ROBO1: variants seen among roughly 807,000 people sequenced by gnomAD.
The protein encoded by ROBO1 is roundabout guidance receptor 1, also known as roundabout homolog 1.
A neutral mutation model predicts 195.9 loss-of-function variants in ROBO1; 149 were observed. That is an observed-to-expected ratio of 0.76 (90% CI 0.67 to 0.87). ROBO1 has a LOEUF of 0.87. ROBO1 is among the 40% of genes least tolerant of loss of function. ROBO1 has a pLI of 0.00. For missense variants in ROBO1, 1,933 were observed against 2,068.3 expected (o/e 0.93, Z 1.27); for synonymous variants, 816 against 733.2 (o/e 1.11, Z -1.82).
At chr3:79,166,707 A>T (rs1268218436) in intron 2 of ROBO1, among the ~76,000 whole-genome samples, 1 of 151,800 alleles carries the variant, frequency 6.6e-6, no homozygotes, top group East Asian at 1.9e-4. Context: ...CTGGGTCTAT[A>T]GGCGCCCGCC....
intron 3 of ROBO1, among the ~76,000 whole-genome samples, chr3:79,004,432 T>C (rs932329482): frequency 1.3e-5 from 2 of 152,298 alleles, no homozygotes; most frequent in Non-Finnish European, 1.5e-5. Context: ...TGTAAGTATT[T>C]AACTAGACAC....
chr3:79,090,902 T>G (rs1382467321), intron 3 of ROBO1, among the ~76,000 whole-genome samples: 1 of 152,232 alleles, frequency 6.6e-6, no homozygotes, highest in East Asian at 1.9e-4. Flanking sequence ...TTTCTTTTTA[T>G]TTCTAGATTA....
intron 2 of ROBO1, among the ~76,000 whole-genome samples, chr3:79,544,034 G>A (rs970076926): frequency 2.6e-5 from 4 of 151,996 alleles, no homozygotes; most frequent in Admixed American, 6.6e-5. Flanking sequence ...TGGGGTACAG[G>A]CTGCATTGAA....
At chr3:79,075,462 A>G (rs1398337612) in intron 3 of ROBO1, among the ~76,000 whole-genome samples, 1 of 151,998 alleles carries the variant, frequency 6.6e-6, no homozygotes, top group Non-Finnish European at 1.5e-5. Flanking sequence ...TTTTCTATCT[A>G]TGTTAGGGTA....
intron 2 of ROBO1, among the ~76,000 whole-genome samples, chr3:79,479,252 T>A (rs13320767): frequency 6.6e-6 from 1 of 151,934 alleles, no homozygotes; most frequent in Non-Finnish European, 1.5e-5. Flanking sequence ...ACGGATGGGG[T>A]GATGGGGGAA....
chr3:79,461,419 T>C (rs1937631073), intron 2 of ROBO1, among the ~76,000 whole-genome samples: 2 of 152,062 alleles, frequency 1.3e-5, no homozygotes, highest in Admixed American at 6.6e-5. Context: ...TTACAAGAAG[T>C]GGCCCTGAAA....
At chr3:78,828,579 G>T (rs1032756093) in intron 4 of ROBO1, among the ~76,000 whole-genome samples, 1 of 152,124 alleles carries the variant, frequency 6.6e-6, no homozygotes, top group Non-Finnish European at 1.5e-5. Context: ...TAATTACAAA[G>T]AAATGAAAAT....
At chr3:79,260,105 C>A (rs546111775) in intron 2 of ROBO1, among the ~76,000 whole-genome samples, 2,606 of 144,992 alleles carry the variant, frequency 0.018, 58 homozygotes, top group African/African-American at 0.06. Flanking sequence ...CACACACACA[C>A]AAATATATAT....
intron 4 of ROBO1, among the ~76,000 whole-genome samples, chr3:78,937,093 T>A (rs2039854393): frequency 6.6e-6 from 1 of 152,132 alleles, no homozygotes; most frequent in Non-Finnish European, 1.5e-5. Flanking sequence ...TTTTATTGTA[T>A]CTAATTATAT....
chr3:79,516,399 A>G (rs1306324634), intron 2 of ROBO1, among the ~76,000 whole-genome samples: 1 of 152,100 alleles, frequency 6.6e-6, no homozygotes, highest in African/African-American at 2.4e-5. Flanking sequence ...AAGGAAGCAT[A>G]TATAATTTCA....
chr3:78,697,924 C>T (rs964731038), intron 8 of ROBO1, among the ~76,000 whole-genome samples: 12 of 151,964 alleles, frequency 7.9e-5, no homozygotes, highest in African/African-American at 1.9e-4. Context: ...AGAACAGCTG[C>T]TTTTTTTAAT....
chr3:79,192,645 ATCT>A (rs901917748), intron 2 of ROBO1, among the ~76,000 whole-genome samples: 1 of 151,592 alleles, frequency 6.6e-6, no homozygotes, highest in Admixed American at 6.6e-5. Flanking sequence ...GATAAGACAA[ATCT>A]TCTCATGTTG....
At chr3:79,767,111 A>C (rs1559568142) in intron 1 of ROBO1, among the ~76,000 whole-genome samples, 1 of 152,116 alleles carries the variant, frequency 6.6e-6, no homozygotes, top group Non-Finnish European at 1.5e-5. Context: ...ACATACCGCC[A>C]AGAGTTTACC....
intron 3 of ROBO1, among the ~76,000 whole-genome samples, chr3:78,969,327 G>A (rs932165057): frequency 4.1e-4 from 62 of 152,146 alleles, no homozygotes; most frequent in Non-Finnish European, 1.0e-4. Context: ...GGATGAAGGT[G>A]AATGTGGTAG....
chr3:79,314,686 G>T (rs776252702), intron 2 of ROBO1, among the ~76,000 whole-genome samples: 5 of 152,178 alleles, frequency 3.3e-5, no homozygotes, highest in South Asian at 2.1e-4. Flanking sequence ...AACATGAGTT[G>T]TTATGTTCTC....
intron 3 of ROBO1, among the ~76,000 whole-genome samples, chr3:79,062,084 T>A (rs546164827): frequency 3.3e-5 from 5 of 151,734 alleles, no homozygotes; most frequent in East Asian, 1.9e-4. Context: ...TGGGAAAAAA[T>A]TTTTGCAATC....
chr3:79,444,712 A>G (rs2039180323), intron 2 of ROBO1, among the ~76,000 whole-genome samples: 1 of 152,106 alleles, frequency 6.6e-6, no homozygotes, highest in Admixed American at 6.6e-5. Context: ...GGCGAATCAA[A>G]TGTACATGAA....
chr3:79,492,010 T>C (rs1319977977), intron 2 of ROBO1, among the ~76,000 whole-genome samples: 1 of 151,182 alleles, frequency 6.6e-6, no homozygotes, highest in Non-Finnish European at 1.5e-5. Flanking sequence ...TGGTTATTTT[T>C]TGGTTGTAAC....
At chr3:79,262,388 G>T (rs2082955753) in intron 2 of ROBO1, among the ~76,000 whole-genome samples, 1 of 152,056 alleles carries the variant, frequency 6.6e-6, no homozygotes, top group Non-Finnish European at 1.5e-5. Context: ...TTAAGTGCTA[G>T]AATCTTACCT....
Sources: gnomAD v4.1 joint callset for allele counts (sites outside exome capture counted in the v4.1 genomes callset) on GRCh38, gnomAD v4.1.1 for gene constraint, MANE v1.5 for transcripts, NCBI Gene and HGNC (gene_info 2026-07-23, HGNC 2026-07-21) for gene names.